MTX2: variants seen among roughly 807,000 people sequenced by gnomAD.
MTX2 encodes metaxin 2.
In MTX2, 35 loss-of-function variants were observed where a neutral mutation model predicts 42.3. That is an observed-to-expected ratio of 0.83 (90% CI 0.63 to 1.10). MTX2 has a LOEUF of 1.10. Among genes scored for constraint, MTX2 ranks in the 50% least tolerant of loss-of-function variants. The probability of loss-of-function intolerance (pLI) is 0.00; values close to 1 mark genes in which losing one functional copy is unlikely to be tolerated. For missense variants in MTX2, 307 were observed against 304.1 expected (o/e 1.01, Z -0.07); for synonymous variants, 119 against 100.9 (o/e 1.18, Z -1.08).
intron 1 of MTX2, among the ~76,000 whole-genome samples, chr2:176,290,498 G>A (rs1366683482): frequency 1.3e-5 from 2 of 152,150 alleles, no homozygotes; most frequent in Non-Finnish European, 2.9e-5. Flanking sequence ...AGGAGCAAGG[G>A]GTGATTACTG....
chr2:176,309,358 T>G (rs1684235733), intron 3 of MTX2, among the ~76,000 whole-genome samples: 1 of 152,190 alleles, frequency 6.6e-6, no homozygotes. Context: ...CTGAGAAGAA[T>G]GTATATTCTG....
At chr2:176,275,065 T>C (rs1368191410) in intron 1 of MTX2, among the ~76,000 whole-genome samples, 1 of 152,240 alleles carries the variant, frequency 6.6e-6, no homozygotes, top group Non-Finnish European at 1.5e-5. Context: ...TTTTGTCTGT[T>C]GTAAGCAGTG....
At chr2:176,300,892 A>G (rs557458805) in intron 3 of MTX2, among the ~76,000 whole-genome samples, 107 of 152,280 alleles carry the variant, frequency 7.0e-4, no homozygotes, top group Middle Eastern at 6.8e-3. Context: ...TAAATATGCA[A>G]TGAATGCTGT....
At chr2:176,320,523 T>G (rs1684557441) in intron 3 of MTX2, among the ~76,000 whole-genome samples, 1 of 152,048 alleles carries the variant, frequency 6.6e-6, no homozygotes, top group African/African-American at 2.4e-5. Flanking sequence ...GCAAAAGATT[T>G]CTCCTTCTAT....
chr2:176,291,636 C>T (rs1345301913), intron 1 of MTX2, among the ~76,000 whole-genome samples: 1 of 152,056 alleles, frequency 6.6e-6, no homozygotes, highest in East Asian at 1.9e-4. Context: ...CCCAGTGCAA[C>T]ATGAAAGTGT....
intron 3 of MTX2, among the ~76,000 whole-genome samples, chr2:176,300,407 T>C (rs545969341): frequency 6.6e-6 from 1 of 152,126 alleles, no homozygotes; most frequent in Non-Finnish European, 1.5e-5. Flanking sequence ...TATCCAAATA[T>C]TATTTTAGTA....
chr2:176,310,639 C>G (rs1281248586), intron 3 of MTX2, among the ~76,000 whole-genome samples: 4 of 152,138 alleles, frequency 2.6e-5, no homozygotes, highest in African/African-American at 9.7e-5. Context: ...CACTTTATTT[C>G]ATTAATTTGA....
At chr2:176,310,077 A>G (rs2105426541) in intron 3 of MTX2, among the ~76,000 whole-genome samples, 1 of 152,204 alleles carries the variant, frequency 6.6e-6, no homozygotes, top group African/African-American at 2.4e-5. Flanking sequence ...TGCTTCCTTC[A>G]GGAGCTCTTG....
At chr2:176,282,866 G>C (rs1674564385) in intron 1 of MTX2, among the ~76,000 whole-genome samples, 1 of 151,918 alleles carries the variant, frequency 6.6e-6, no homozygotes, top group Non-Finnish European at 1.5e-5. Context: ...ACCACACCTG[G>C]CTAATTTTTG....
At position 176,313,952 on chromosome 2, in the gene MTX2, C is replaced by T. The variant is rs940450781; in HGVS notation, c.136-9440C>T. ...AAGGACAGCAATCTCAATGAGTTAGCGTCATTCTTGTGCACAGTAGCCACC... is the reference window on the plus strand; with the variant it reads ...AAGGACAGCAATCTCAATGAGTTAGTGTCATTCTTGTGCACAGTAGCCACC... On this transcript the variant is annotated intron_variant, in intron 3 of 9. Coordinates refer to ENST00000249442, the MANE Select transcript of MTX2 (RefSeq NM_006554.5). Among the ~76,000 whole-genome samples, 4 of 152,088 alleles carry T rather than the reference C, an allele frequency of 2.6e-5. No homozygotes were observed. The East Asian group carries it at 5.8e-4, about 22-fold the overall frequency.
chr2:176,329,969 TATCTTGTCC>T (rs896869536), intron 8 of MTX2, among the ~76,000 whole-genome samples: 1 of 151,024 alleles, frequency 6.6e-6, no homozygotes, highest in African/African-American at 2.4e-5. Context: ...TAAAAATACT[TATCTTGTCC>T]ACAAGCATCA....
At chr2:176,278,041 GTTTTTTTT>G (rs59379339) in intron 1 of MTX2, among the ~76,000 whole-genome samples, 5 of 84,834 alleles carry the variant, frequency 5.9e-5, no homozygotes, top group African/African-American at 2.7e-4. Context: ...GTTGAAACTG[GTTTTTTTT>G]TTTTTTTTTT....
At chr2:176,333,900 T>G (rs530165956) in intron 9 of MTX2, among the ~76,000 whole-genome samples, 2 of 151,792 alleles carry the variant, frequency 1.3e-5, no homozygotes, top group African/African-American at 4.8e-5. Context: ...CCATCTAGGT[T>G]TGTGTAAGTA....
chr2:176,302,708 G>A (rs904046025), intron 3 of MTX2, among the ~76,000 whole-genome samples: 2 of 152,064 alleles, frequency 1.3e-5, no homozygotes, highest in African/African-American at 4.8e-5. Flanking sequence ...AAAGTGCTGG[G>A]TTTACAGGTG....
intron 3 of MTX2, among the ~76,000 whole-genome samples, chr2:176,315,166 T>C (rs1684406844): frequency 6.6e-6 from 1 of 152,178 alleles, no homozygotes. Flanking sequence ...AGAGTAGAGT[T>C]GTCTGCTATT....
At chr2:176,293,788 A>G (rs1693379277) in intron 1 of MTX2, among the ~76,000 whole-genome samples, 1 of 152,196 alleles carries the variant, frequency 6.6e-6, no homozygotes, top group East Asian at 1.9e-4. Context: ...CAACAGTGCC[A>G]ACAGCCTAAC....
chr2:176,326,962 T>C, intron 5 of MTX2, 61 bp downstream of exon 5: 1 of 978,214 alleles, frequency 1.0e-6, no homozygotes, highest in Non-Finnish European at 1.5e-6. Context: ...TTCTTTAATG[T>C]GTCTTAACAT....
intron 2 of MTX2, 23 bp downstream of exon 2, chr2:176,296,930 A>C: frequency 6.2e-7 from 1 of 1,604,218 alleles, no homozygotes; most frequent in Non-Finnish European, 8.5e-7. Context: ...CACAATTAAA[A>C]ATGGCTTTGT....
intron 1 of MTX2, among the ~76,000 whole-genome samples, chr2:176,289,807 T>C (rs547258558): frequency 6.6e-6 from 1 of 152,036 alleles, no homozygotes; most frequent in Non-Finnish European, 1.5e-5. Flanking sequence ...AATGAAGATA[T>C]TAGCTTAAAT....
Sources: gnomAD v4.1 joint callset for allele counts (sites outside exome capture counted in the v4.1 genomes callset) on GRCh38, gnomAD v4.1.1 for gene constraint, MANE v1.5 for transcripts, NCBI Gene and HGNC (gene_info 2026-07-23, HGNC 2026-07-21) for gene names.